The following ALDH1A1 variants were observed in gnomAD, a reference collection of about 807,000 sequenced individuals.
ALDH1A1 encodes aldehyde dehydrogenase 1 family member A1, also known as aldehyde dehydrogenase 1A1.
In ALDH1A1, 19 loss-of-function variants were observed where a neutral mutation model predicts 62.1. That is an observed-to-expected ratio of 0.31 (90% CI 0.21 to 0.45). The LOEUF is 0.45. Among genes scored for constraint, ALDH1A1 ranks in the 20% least tolerant of loss-of-function variants. The pLI is 1.00. For missense variants in ALDH1A1, 521 were observed against 607.1 expected (o/e 0.86, Z 1.49); for synonymous variants, 231 against 215.9 (o/e 1.07, Z -0.61).
At chr9:72,908,556 A>AAAGAAAAGAAAG (rs1829921335) in intron 11 of ALDH1A1, among the ~76,000 whole-genome samples, 1 of 3,870 alleles carries the variant, frequency 2.6e-4, no homozygotes, top group African/African-American at 6.0e-4. Context: ...AAGAAAGAAG[A>AAAGAAAAGAAAG]AAGAAAGAAA....
intron 2 of ALDH1A1, among the ~76,000 whole-genome samples, chr9:72,935,467 T>C (rs12683230): frequency 0.017 from 2,550 of 152,300 alleles, 71 homozygotes; most frequent in African/African-American, 0.055. Context: ...TCCCAGATGG[T>C]ACATTTCCAT....
chr9:72,919,281 G>T (rs1446337374), intron 7 of ALDH1A1, among the ~76,000 whole-genome samples: 1 of 152,080 alleles, frequency 6.6e-6, no homozygotes, highest in African/African-American at 2.4e-5. Flanking sequence ...TCGCAACTTA[G>T]CTATTTCATT....
intron 9 of ALDH1A1, among the ~76,000 whole-genome samples, chr9:72,912,474 C>A (rs1830004846): frequency 6.6e-6 from 1 of 152,098 alleles, no homozygotes; most frequent in African/African-American, 2.4e-5. Flanking sequence ...AAACTATTGT[C>A]CCGGCTGAAA....
chr9:72,927,609 G>A (rs536629740), intron 4 of ALDH1A1, among the ~76,000 whole-genome samples: 54 of 152,246 alleles, frequency 3.5e-4, no homozygotes, highest in African/African-American at 1.3e-3. Flanking sequence ...CTGGCGAAGA[G>A]AAGAACCACA....
intron 1 of ALDH1A1, among the ~76,000 whole-genome samples, chr9:72,942,825 A>C (rs1830432074): frequency 6.6e-6 from 1 of 152,078 alleles, no homozygotes. Flanking sequence ...TTACTGCGTC[A>C]TCTCCTCATG....
intron 5 of ALDH1A1, 75 bp from the exon 6 acceptor site, chr9:72,925,687 C>T: frequency 1.3e-6 from 2 of 1,501,878 alleles, no homozygotes; most frequent in South Asian, 1.2e-5. Flanking sequence ...CCATATTATA[C>T]ACCCCCTGTA....
chr9:72,916,501 G>C (rs1345506016), intron 9 of ALDH1A1, among the ~76,000 whole-genome samples: 1 of 152,172 alleles, frequency 6.6e-6, no homozygotes, highest in Non-Finnish European at 1.5e-5. Context: ...ATGACTTGCA[G>C]AGGATTTAGG....
chr9:72,911,866 A>T, intron 10 of ALDH1A1, 92 bp downstream of exon 10: 1 of 1,418,954 alleles, frequency 7.0e-7, no homozygotes, highest in South Asian at 1.2e-5. Flanking sequence ...AAGATGTTCC[A>T]AAGAGCTGGG....
At chr9:72,941,547 C>A (rs1208694210) in intron 1 of ALDH1A1, among the ~76,000 whole-genome samples, 1 of 152,168 alleles carries the variant, frequency 6.6e-6, no homozygotes, top group East Asian at 1.9e-4. Flanking sequence ...TGTCTGCCTT[C>A]CATCAAGGGC....
At chr9:72,952,532 C>G (rs1009476651) in intron 1 of ALDH1A1, among the ~76,000 whole-genome samples, 2 of 151,928 alleles carry the variant, frequency 1.3e-5, no homozygotes, top group South Asian at 2.1e-4. Flanking sequence ...TCAGTATGCT[C>G]TCTTTCTCCT....
intron 7 of ALDH1A1, among the ~76,000 whole-genome samples, chr9:72,923,209 C>A (rs967185076): frequency 1.3e-5 from 2 of 152,092 alleles, no homozygotes; most frequent in Non-Finnish European, 2.9e-5. Context: ...GCCTTAGTAC[C>A]TTATCACACC....
chr9:72,929,107 T>C, intron 3 of ALDH1A1, 86 bp from the exon 4 acceptor site: 5 of 1,429,934 alleles, frequency 3.5e-6, no homozygotes, highest in African/African-American at 1.4e-5. Context: ...AATCATGTGC[T>C]AGGGAATTTT....
At chr9:72,930,623 G>C (rs1257323461) in intron 3 of ALDH1A1, among the ~76,000 whole-genome samples, 1 of 152,072 alleles carries the variant, frequency 6.6e-6, no homozygotes, top group Non-Finnish European at 1.5e-5. Context: ...TCTAAAATTT[G>C]GTTTAACTTG....
At position 72,901,121 on chromosome 9, in the gene ALDH1A1, A is replaced by G. The variant is rs1305103953; in HGVS notation, c.*87T>C. ...TATGTTTAAAAAAATCAAGAAAAGA[A>G]AAATTTTGTCTTTAAAATCTACTAT... On this transcript the variant is annotated 3_prime_UTR_variant, in exon 13 of 13. Coordinates refer to ENST00000297785, the MANE Select transcript of ALDH1A1 (RefSeq NM_000689.5). 2.9e-6 allele frequency: 3 copies of G among 1,026,610 alleles called. No individual in the cohort carries two copies. Among genetic ancestry groups the G allele is most frequent in the Non-Finnish European group, 4.3e-6 (3 of 703,912 alleles). The allele number at this position is 1,026,610 out of a possible 1,614,324, so 63.6% of individuals were successfully genotyped here.
At chr9:72,912,630 C>T (rs752544619) in intron 9 of ALDH1A1, among the ~76,000 whole-genome samples, 4 of 152,090 alleles carry the variant, frequency 2.6e-5, no homozygotes, top group African/African-American at 7.2e-5. Flanking sequence ...CTGACCTGTC[C>T]GATGCCCTTG....
Position 72,926,655 on chromosome 9 carries a change from G to A in ALDH1A1, c.504+461C>T, listed in dbSNP as rs1226498590. Reference sequence around the variant, plus strand: ...TTTCCATTTTGATTAAAAAATGTGTGTCATGAGTTGAACACTCTGGGAGCT... The same window carrying A: ...TTTCCATTTTGATTAAAAAATGTGTATCATGAGTTGAACACTCTGGGAGCT... On this transcript the variant is annotated intron_variant, in intron 5 of 12. Transcript: ENST00000297785. 2.0e-5 allele frequency among the ~76,000 whole-genome samples: 3 copies of A among 152,172 alleles called. No individual in the cohort carries two copies. In the East Asian group the frequency reaches 5.8e-4, roughly 29 times the overall value.
At chr9:72,930,630 C>T (rs1203802489) in intron 3 of ALDH1A1, among the ~76,000 whole-genome samples, 2 of 152,128 alleles carry the variant, frequency 1.3e-5, no homozygotes, top group African/African-American at 2.4e-5. Flanking sequence ...TTTGGTTTAA[C>T]TTGGGTTTGC....
At chr9:72,917,683 A>G (rs1432676855) in intron 8 of ALDH1A1, among the ~76,000 whole-genome samples, 1 of 152,034 alleles carries the variant, frequency 6.6e-6, no homozygotes, top group African/African-American at 2.4e-5. Context: ...TATCTAAAGT[A>G]TACCGTATTA....
chr9:72,933,295 G>A (rs1187566155), intron 2 of ALDH1A1, among the ~76,000 whole-genome samples: 2 of 152,176 alleles, frequency 1.3e-5, no homozygotes, highest in Non-Finnish European at 2.9e-5. Flanking sequence ...AGTGAAGTAA[G>A]AAGATTGTCC....
Sources: gnomAD v4.1 joint callset for allele counts (sites outside exome capture counted in the v4.1 genomes callset) on GRCh38, gnomAD v4.1.1 for gene constraint, MANE v1.5 for transcripts, NCBI Gene and HGNC (gene_info 2026-07-23, HGNC 2026-07-21) for gene names.